Variants in CFAP61 observed in about 807,000 individuals in gnomAD.
CFAP61 encodes the protein cilia and flagella associated protein 61.
Under a neutral mutation model 135.6 loss-of-function variants are expected in CFAP61, and 107 were observed. The observed-to-expected ratio is 0.79, with a 90% CI of 0.67 to 0.93. The LOEUF is 0.93. Ranked by LOEUF, CFAP61 falls within the 40% of genes least tolerant of loss-of-function variation. The pLI is 0.00. For synonymous variants in CFAP61, 575 were observed against 578.5 expected (o/e 0.99, Z 0.09); for missense variants, 1,507 against 1,556.2 (o/e 0.97, Z 0.53).
intron 8 of CFAP61, among the ~76,000 whole-genome samples, chr20:20,138,874 G>A (rs887398290): frequency 3.9e-5 from 6 of 152,110 alleles, no homozygotes; most frequent in Non-Finnish European, 7.4e-5. Flanking sequence ...TTTCATAACT[G>A]TCTGTGTCTA....
intron 7 of CFAP61, among the ~76,000 whole-genome samples, chr20:20,097,677 G>A (rs1189336604): frequency 2.0e-5 from 3 of 152,212 alleles, no homozygotes; most frequent in Non-Finnish European, 2.9e-5. Flanking sequence ...GACTGCAAGA[G>A]CTTCAGAACC....
intron 20 of CFAP61, among the ~76,000 whole-genome samples, chr20:20,256,820 A>G (rs2146998382): frequency 6.6e-6 from 1 of 152,366 alleles, no homozygotes; most frequent in African/African-American, 2.4e-5. Context: ...AGCTGACCAC[A>G]TTCTAGGCAA....
At chr20:20,199,732 A>G (rs993104451) in intron 16 of CFAP61, 36 bp from the exon 17 acceptor site, 12 of 1,612,154 alleles carry the variant, frequency 7.4e-6, no homozygotes, top group Non-Finnish European at 8.5e-6. Context: ...CCTCTCTGAC[A>G]TTCTCTCCCC....
At chr20:20,128,645 G>A (rs530101419) in intron 8 of CFAP61, among the ~76,000 whole-genome samples, 26 of 151,822 alleles carry the variant, frequency 1.7e-4, no homozygotes, top group Admixed American at 7.9e-4. Context: ...AATTCACAAT[G>A]CAAGCCTCTG....
chr20:20,356,416 G>A (rs1198064284), intron 26 of CFAP61, among the ~76,000 whole-genome samples: 1 of 152,074 alleles, frequency 6.6e-6, no homozygotes, highest in African/African-American at 2.4e-5. Flanking sequence ...TCACACTGAG[G>A]GGAGGTGGTC....
chr20:20,179,321 C>G (rs1328676944), intron 13 of CFAP61, among the ~76,000 whole-genome samples: 1 of 152,102 alleles, frequency 6.6e-6, no homozygotes, highest in African/African-American at 2.4e-5. Flanking sequence ...TACACCTAAC[C>G]AGTGAGAGAT....
At chr20:20,345,343 G>T (rs2058589342) in intron 26 of CFAP61, among the ~76,000 whole-genome samples, 1 of 152,132 alleles carries the variant, frequency 6.6e-6, no homozygotes, top group Admixed American at 6.5e-5. Context: ...CACATTGTAT[G>T]CCTGTATCAA....
At chr20:20,219,905 T>C (rs1204835346) in intron 17 of CFAP61, among the ~76,000 whole-genome samples, 2 of 152,198 alleles carry the variant, frequency 1.3e-5, no homozygotes, top group Non-Finnish European at 2.9e-5. Flanking sequence ...GAAACATCTT[T>C]TGTTACCATA....
intron 8 of CFAP61, among the ~76,000 whole-genome samples, chr20:20,131,572 C>CA (rs1295165405): frequency 6.6e-6 from 1 of 151,910 alleles, no homozygotes; most frequent in East Asian, 1.9e-4. Flanking sequence ...TTAGTCTTTT[C>CA]AAAAAATCAA....
chr20:20,238,420 T>G (rs931478753), intron 18 of CFAP61, among the ~76,000 whole-genome samples: 4 of 152,170 alleles, frequency 2.6e-5, no homozygotes, highest in Non-Finnish European at 4.4e-5. Context: ...AAAGCAGAGG[T>G]TTTAGTAAAT....
At chr20:20,079,376 G>T (rs1357502491) in intron 6 of CFAP61, among the ~76,000 whole-genome samples, 1 of 152,162 alleles carries the variant, frequency 6.6e-6, no homozygotes, top group African/African-American at 2.4e-5. Context: ...AGGCCAAATT[G>T]CAGTGAGCGG....
chr20:20,308,556 TA>T (rs2056619704), intron 25 of CFAP61, among the ~76,000 whole-genome samples: 1 of 152,058 alleles, frequency 6.6e-6, no homozygotes, highest in Admixed American at 6.6e-5. Flanking sequence ...CTGGGTGAGA[TA>T]AAAATTCTGT....
intron 17 of CFAP61, among the ~76,000 whole-genome samples, chr20:20,210,822 C>T (rs1257221044): frequency 6.6e-6 from 1 of 152,124 alleles, no homozygotes; most frequent in Non-Finnish European, 1.5e-5. Context: ...TTAATAAATT[C>T]TAGTTTTACA....
intron 7 of CFAP61, 47 bp from the exon 8 acceptor site, chr20:20,098,607 CA>C (rs10651068): frequency 0.053 from 62,045 of 1,177,262 alleles, 36 homozygotes; most frequent in Non-Finnish European, 0.058. Context: ...GACTTTGTCT[CA>C]AAAAAAAAAA....
Position 20,077,964 on chromosome 20 carries a change from A to C in CFAP61, c.566+2349A>C, listed in dbSNP as rs1432513365. On this transcript the variant is annotated intron_variant, in intron 6 of 26. Transcript: ENST00000245957. The stretch of plus-strand genomic sequence containing the variant: ...GATCAGGAAAAATGCCTGGAAAGGA[A>C]GGGGATTCACCACAGAATGTAGAAT... Among the ~76,000 whole-genome samples, 5 of 152,350 alleles carry C rather than the reference A, an allele frequency of 3.3e-5. No homozygotes were observed. The South Asian group carries it at 6.2e-4, about 19-fold the overall frequency.
intron 6 of CFAP61, among the ~76,000 whole-genome samples, chr20:20,076,067 G>A (rs2046029935): frequency 6.6e-6 from 1 of 152,190 alleles, no homozygotes. Context: ...GTCTTAGGGA[G>A]ATGGCTGTGG....
chr20:20,058,204 G>A (rs1046258987), intron 2 of CFAP61, among the ~76,000 whole-genome samples: 5 of 151,896 alleles, frequency 3.3e-5, no homozygotes, highest in Non-Finnish European at 4.4e-5. Flanking sequence ...TTTTACTAGA[G>A]GGCAGTAGGG....
chr20:20,340,585 G>A (rs572614431), intron 25 of CFAP61, among the ~76,000 whole-genome samples: 5 of 152,192 alleles, frequency 3.3e-5, no homozygotes, highest in East Asian at 1.9e-4. Flanking sequence ...TAAAGGCGCC[G>A]GGCAGGGAGC....
At chr20:20,335,567 T>A (rs2058156023) in intron 25 of CFAP61, among the ~76,000 whole-genome samples, 1 of 152,178 alleles carries the variant, frequency 6.6e-6, no homozygotes, top group Non-Finnish European at 1.5e-5. Context: ...TTCCCATACT[T>A]CATCCCAGAA....
Sources: allele counts gnomAD v4.1 joint callset (sites outside exome capture counted in the v4.1 genomes callset), GRCh38; gene constraint gnomAD v4.1.1; transcripts MANE v1.5; gene names NCBI Gene and HGNC (gene_info 2026-07-23, HGNC 2026-07-21).